The following SLC15A4 variants were observed in gnomAD, a reference collection of about 807,000 sequenced individuals.
SLC15A4 encodes solute carrier family 15 member 4.
Under a neutral mutation model 46.1 loss-of-function variants are expected in SLC15A4, and 26 were observed. The ratio of observed to expected loss-of-function variants is 0.56; its 90% confidence interval spans 0.41 to 0.78. The LOEUF (loss-of-function observed/expected upper bound fraction) is 0.78, where lower values mean the gene tolerates loss of function less well. Among genes scored for constraint, SLC15A4 ranks in the 30% least tolerant of loss-of-function variants. The probability of loss-of-function intolerance (pLI) is 0.00; values close to 1 mark genes in which losing one functional copy is unlikely to be tolerated. For missense variants in SLC15A4, 751 were observed against 755.7 expected (o/e 0.99, Z 0.07); for synonymous variants, 370 against 333.4 (o/e 1.11, Z -1.20).
chr12:128,796,184 G>A (rs1955439826), intron 7 of SLC15A4, among the ~76,000 whole-genome samples: 1 of 152,062 alleles, frequency 6.6e-6, no homozygotes, highest in African/African-American at 2.4e-5. Flanking sequence ...CAGCACTTTG[G>A]GAGGCCAAGG....
chr12:128,819,014 T>C (rs1955797399), intron 1 of SLC15A4, among the ~76,000 whole-genome samples: 1 of 152,222 alleles, frequency 6.6e-6, no homozygotes, highest in South Asian at 2.1e-4. Context: ...TTTTCTTATC[T>C]TTCATTTAAA....
At chr12:128,814,304 A>ACCTGACCGCCGTATGATG (rs1477432803) in intron 2 of SLC15A4, 3 of 207,860 alleles carry the variant, frequency 1.4e-5, no homozygotes, top group South Asian at 1.4e-4. Flanking sequence ...TGTATGATGG[A>ACCTGACCGCCGTATGATG]GCCCATGCTG....
chr12:128,796,454 AAAAAC>A (rs1955444951), intron 7 of SLC15A4, among the ~76,000 whole-genome samples: 2 of 39,742 alleles, frequency 5.0e-5, no homozygotes, highest in Non-Finnish European at 8.5e-5. Flanking sequence ...AAAAAAAAAA[AAAAAC>A]CCACACATCT....
intron 7 of SLC15A4, 151 bp from the exon 8 acceptor site, chr12:128,794,507 A>T (rs910203010): frequency 3.8e-6 from 3 of 780,170 alleles, no homozygotes; most frequent in Non-Finnish European, 5.8e-6. Flanking sequence ...ATGCACAAGC[A>T]TCTTGCTTTC....
At position 128,823,814 on chromosome 12, in the gene SLC15A4, C is replaced by A; in HGVS notation, c.130G>T (p.Glu44Ter). 1 of 1,479,500 alleles carries A rather than the reference C, an allele frequency of 6.8e-7. No homozygotes were observed. Among genetic ancestry groups the A allele is most frequent in the Non-Finnish European group, 8.9e-7 (1 of 1,118,862 alleles). 91.6% of individuals were successfully genotyped at this position (1,479,500 alleles called of 1,614,324 possible). A position where few individuals can be genotyped will look rare whatever the true frequency, so the allele number is the denominator to read the frequency against. ...TAGAAAGCGGCGCGCTCCAGCAGCT[C>A]CGTCAGCAGCACGGCCCCGCACGCC... is the stretch of plus-strand genomic sequence containing the variant. ...RAACGAVLLT[E>*]LLERAAFYGI... The change falls in exon 1 of 8, where the codon GAG becomes TAG. Residue 44 changes from glutamate to a stop codon, truncating the protein, a stop_gained. Transcript: ENST00000266771. LOFTEE classifies it high-confidence loss of function.
chr12:128,811,978 C>T (rs1955662917), intron 2 of SLC15A4, among the ~76,000 whole-genome samples: 1 of 152,198 alleles, frequency 6.6e-6, no homozygotes, highest in Non-Finnish European at 1.5e-5. Flanking sequence ...CTGCTCCTCC[C>T]ACACAAGTTG....
chr12:128,804,046 T>C (rs1480448610), intron 5 of SLC15A4, among the ~76,000 whole-genome samples: 2 of 152,234 alleles, frequency 1.3e-5, no homozygotes, highest in African/African-American at 4.8e-5. Flanking sequence ...AGACTCCTGC[T>C]GTAAAAGACC....
chr12:128,795,154 C>T (rs890364996), intron 7 of SLC15A4, among the ~76,000 whole-genome samples: 2 of 152,068 alleles, frequency 1.3e-5, no homozygotes, highest in African/African-American at 4.8e-5. Flanking sequence ...GCCTGAACAT[C>T]GTGAATTCTG....
chr12:128,815,966 G>T (rs56756897), intron 1 of SLC15A4: 50,056 of 152,144 alleles, frequency 0.33, 8,412 homozygotes, highest in Non-Finnish European at 0.36. Context: ...GGTCTCCTGA[G>T]AATCAGAGAT....
intron 1 of SLC15A4, among the ~76,000 whole-genome samples, chr12:128,818,313 C>T (rs539211763): frequency 2.2e-4 from 34 of 152,334 alleles, no homozygotes; most frequent in African/African-American, 7.9e-4. Flanking sequence ...AGCTATGCAG[C>T]CTCACCCCAT....
At chr12:128,822,104 T>A (rs1225242078) in intron 1 of SLC15A4, among the ~76,000 whole-genome samples, 1 of 151,942 alleles carries the variant, frequency 6.6e-6, no homozygotes, top group African/African-American at 2.4e-5. Flanking sequence ...CACTTCCCAC[T>A]TTTTTTTATA....
At chr12:128,800,095 G>A (rs751228068) in intron 6 of SLC15A4, among the ~76,000 whole-genome samples, 41 of 152,170 alleles carry the variant, frequency 2.7e-4, no homozygotes, top group African/African-American at 5.5e-4. Flanking sequence ...CACCCGCCTC[G>A]GATTCCTAAA....
chr12:128,812,254 T>C (rs1363506371), intron 2 of SLC15A4, among the ~76,000 whole-genome samples: 1 of 152,202 alleles, frequency 6.6e-6, no homozygotes, highest in East Asian at 1.9e-4. Context: ...AAATTAAGTG[T>C]CACAACTGTA....
At position 128,794,295 on chromosome 12, in the gene SLC15A4, A is replaced by T; in HGVS notation, c.1635T>A (p.Ala545=). 5.6e-6 allele frequency: 9 copies of T among 1,613,852 alleles called. No individual in the cohort carries two copies. Among genetic ancestry groups the T allele is most frequent in the Non-Finnish European group, 7.6e-6 (9 of 1,179,762 alleles). Residue 545 remains alanine, a synonymous_variant, in exon 8 of 8, where the codon GCT becomes GCA. Coordinates refer to ENST00000266771, the MANE Select transcript of SLC15A4 (RefSeq NM_145648.4). ...AAATAATGAGGAAAAGCAGGAGGGTAGCTCCTTGAATAGCAGCCAGAAGAA... is the reference window on the plus strand; with the variant it reads ...AAATAATGAGGAAAAGCAGGAGGGTTGCTCCTTGAATAGCAGCCAGAAGAA... The part of the protein sequence containing the change: ...YFFLLAAIQG[A]TLLLFLIISV...
chr12:128,795,560 T>G (rs7312683), intron 7 of SLC15A4, among the ~76,000 whole-genome samples: 48 of 151,988 alleles, frequency 3.2e-4, no homozygotes, highest in South Asian at 6.2e-4. Flanking sequence ...CAAGAGGGAG[T>G]CTGGACGCGG....
chr12:128,796,322 G>A (rs994183738), intron 7 of SLC15A4, among the ~76,000 whole-genome samples: 1 of 151,172 alleles, frequency 6.6e-6, no homozygotes, highest in African/African-American at 2.4e-5. Context: ...CTGCTTGGGA[G>A]GCTGAGGCCA....
chr12:128,814,234 CGT>C (rs1955709756), intron 2 of SLC15A4: 4 of 171,160 alleles, frequency 2.3e-5, no homozygotes, highest in Non-Finnish European at 3.5e-5. Context: ...ACCTGACCGC[CGT>C]ATGATGGACC....
At chr12:128,802,048 G>A (rs578000262) in intron 5 of SLC15A4, among the ~76,000 whole-genome samples, 124 of 152,198 alleles carry the variant, frequency 8.1e-4, no homozygotes, top group Non-Finnish European at 1.5e-3. Flanking sequence ...AGAGACCTTC[G>A]AGCCAACCCA....
At position 128,799,300 on chromosome 12, in the gene SLC15A4, G is replaced by C. The variant is rs746768184; in HGVS notation, c.1532C>G (p.Ser511Cys). 5.6e-6 allele frequency: 9 copies of C among 1,614,136 alleles called. No individual in the cohort carries two copies. The highest frequency in any genetic ancestry group is 7.6e-6 in the Non-Finnish European group (9 of 1,180,038). Residue 511 changes from serine (S) to cysteine (C), a missense_variant, in exon 7 of 8, where the codon TCT (serine) becomes TGT (cysteine). Coordinates refer to ENST00000266771, the MANE Select transcript of SLC15A4 (RefSeq NM_145648.4). Reference sequence around the variant, plus strand: ...GCTCATCCATCCGATGGCTTTGATAGACACCAGTGCCAGCAGTCCAGAACC... The same window carrying C: ...GCTCATCCATCCGATGGCTTTGATACACACCAGTGCCAGCAGTCCAGAACC... ...FVGSGLLALV[S>C]IKAIGWMSSH...
Sources: allele counts gnomAD v4.1 joint callset (sites outside exome capture counted in the v4.1 genomes callset), GRCh38; gene constraint gnomAD v4.1.1; transcripts MANE v1.5; gene names NCBI Gene and HGNC (gene_info 2026-07-23, HGNC 2026-07-21).